PLA2G4A: variants seen among roughly 807,000 people sequenced by gnomAD.
The protein encoded by PLA2G4A is cytosolic phospholipase A2.
In PLA2G4A, 40 loss-of-function variants were observed where a neutral mutation model predicts 81.9. The observed-to-expected ratio is 0.49, with a 90% CI of 0.38 to 0.64. The LOEUF is 0.64. Ranked by LOEUF, PLA2G4A falls within the 30% of genes least tolerant of loss-of-function variation. PLA2G4A has a pLI of 0.00. For synonymous variants in PLA2G4A, 302 were observed against 296.9 expected, an observed-to-expected ratio of 1.02 and a Z score of -0.18; for missense variants, 715 against 905.1, an observed-to-expected ratio of 0.79 and a Z score of 2.69.
intron 15 of PLA2G4A, among the ~76,000 whole-genome samples, chr1:186,972,908 T>C (rs1312533915): frequency 6.6e-6 from 1 of 152,178 alleles, no homozygotes; most frequent in Non-Finnish European, 1.5e-5. Flanking sequence ...ATCACCTGAT[T>C]TATTTGTTGA....
intron 1 of PLA2G4A, among the ~76,000 whole-genome samples, chr1:186,853,434 A>G (rs575831668): frequency 2.1e-4 from 32 of 152,004 alleles, no homozygotes; most frequent in Non-Finnish European, 4.3e-4. Context: ...ATATTTTTTT[A>G]AAGTTGATGT....
chr1:186,857,304 T>TG (rs1652614133), intron 2 of PLA2G4A, among the ~76,000 whole-genome samples: 5 of 122,770 alleles, frequency 4.1e-5, no homozygotes, highest in Non-Finnish European at 8.0e-5. Flanking sequence ...ATATATTATA[T>TG]TTATATTATA....
chr1:186,881,367 C>G (rs1443983069), intron 3 of PLA2G4A, among the ~76,000 whole-genome samples: 1 of 152,014 alleles, frequency 6.6e-6, no homozygotes, highest in Non-Finnish European at 1.5e-5. Flanking sequence ...AGGCAATGCT[C>G]AAGTTGTTGT....
At chr1:186,932,986 A>G in intron 8 of PLA2G4A, 87 bp downstream of exon 8, 1 of 957,980 alleles carries the variant, frequency 1.0e-6, no homozygotes. Context: ...AAGGGGATTT[A>G]GAAAATTGAT....
chr1:186,839,414 T>C (rs1003706687), intron 1 of PLA2G4A, among the ~76,000 whole-genome samples: 3 of 152,200 alleles, frequency 2.0e-5, no homozygotes, highest in Non-Finnish European at 2.9e-5. Flanking sequence ...ATGGTTTAGC[T>C]GCAGTTGTCT....
At chr1:186,908,198 TA>T (rs1558424892) in intron 6 of PLA2G4A, among the ~76,000 whole-genome samples, 3 of 152,048 alleles carry the variant, frequency 2.0e-5, no homozygotes, top group African/African-American at 7.2e-5. Context: ...AAATAATGCA[TA>T]AAAGTAAATT....
chr1:186,896,190 T>C (rs984558063), intron 5 of PLA2G4A, among the ~76,000 whole-genome samples: 12 of 152,204 alleles, frequency 7.9e-5, no homozygotes, highest in Admixed American at 3.9e-4. Flanking sequence ...TATACACATA[T>C]AGATGTGCAC....
intron 9 of PLA2G4A, among the ~76,000 whole-genome samples, chr1:186,939,494 A>G (rs900864479): frequency 1.4e-3 from 14 of 9,668 alleles, no homozygotes; most frequent in Middle Eastern, 0.071. Context: ...TTTCTCTGGA[A>G]AAAAAAAAAA....
intron 7 of PLA2G4A, among the ~76,000 whole-genome samples, chr1:186,918,699 C>T (rs1655234732): frequency 6.6e-6 from 1 of 152,244 alleles, no homozygotes; most frequent in African/African-American, 2.4e-5. Flanking sequence ...CACAGTTATG[C>T]TCGCCCGGGC....
At chr1:186,952,264 A>T (rs1267195619) in intron 13 of PLA2G4A, among the ~76,000 whole-genome samples, 1 of 152,298 alleles carries the variant, frequency 6.6e-6, no homozygotes, top group East Asian at 1.9e-4. Context: ...GTACTAGCTG[A>T]GTCTTAAGGC....
At chr1:186,972,181 C>T (rs1388811626) in intron 15 of PLA2G4A, among the ~76,000 whole-genome samples, 1 of 152,064 alleles carries the variant, frequency 6.6e-6, no homozygotes, top group African/African-American at 2.4e-5. Flanking sequence ...GATTAGTTAG[C>T]ACACACCTAG....
At chr1:186,956,381 G>A in intron 14 of PLA2G4A, 37 bp downstream of exon 14, 3 of 1,573,998 alleles carry the variant, frequency 1.9e-6, no homozygotes, top group Non-Finnish European at 2.6e-6. Flanking sequence ...AGCTAATGCA[G>A]GAGATCTTTA....
chr1:186,894,003 G>C, intron 4 of PLA2G4A, 95 bp from the exon 5 acceptor site: 1 of 723,826 alleles, frequency 1.4e-6, no homozygotes, highest in Non-Finnish European at 2.6e-6. Context: ...TATCATTTGA[G>C]AGCTTCATTT....
rs1486542295 is a variant in PLA2G4A at position 186,946,857 on chromosome 1, GTT to G, written c.1172-9_1172-8del. On this transcript the variant is annotated splice_polypyrimidine_tract_variant and intron_variant, in intron 11 of 17. Coordinates refer to ENST00000367466, the MANE Select transcript of PLA2G4A (RefSeq NM_024420.3). Reference sequence around the variant, plus strand: ...ATATTTTAAGTTATTTTCTGTTTCTGTTTTATTTTAGGTGTCTGGGGCAGTGC... The same window carrying G: ...ATATTTTAAGTTATTTTCTGTTTCTGTTATTTTAGGTGTCTGGGGCAGTGC... 1.9e-6 allele frequency: 3 copies of G among 1,607,266 alleles called. No individual in the cohort carries two copies. The highest frequency in any genetic ancestry group is 2.6e-6 in the Non-Finnish European group (3 of 1,174,176).
chr1:186,850,064 A>G (rs1652319066), intron 1 of PLA2G4A, among the ~76,000 whole-genome samples: 1 of 152,124 alleles, frequency 6.6e-6, no homozygotes, highest in Non-Finnish European at 1.5e-5. Flanking sequence ...AATCTTTTGC[A>G]CTAGTATTCT....
chr1:186,863,160 C>T (rs1252264814), intron 2 of PLA2G4A, among the ~76,000 whole-genome samples: 2 of 152,186 alleles, frequency 1.3e-5, no homozygotes, highest in Non-Finnish European at 2.9e-5. Context: ...GCCTCGAACT[C>T]CTGGGCTCAA....
intron 7 of PLA2G4A, among the ~76,000 whole-genome samples, chr1:186,926,309 G>C (rs919887497): frequency 1.3e-5 from 2 of 152,104 alleles, no homozygotes; most frequent in Admixed American, 1.3e-4. Flanking sequence ...GGTAATCATG[G>C]TTTTTCTCTG....
intron 5 of PLA2G4A, among the ~76,000 whole-genome samples, chr1:186,896,393 C>T (rs1654334495): frequency 6.6e-6 from 1 of 152,116 alleles, no homozygotes; most frequent in African/African-American, 2.4e-5. Context: ...TGGGGCATAG[C>T]AAGATAAAGG....
chr1:186,861,029 T>G (rs531022595), intron 2 of PLA2G4A, among the ~76,000 whole-genome samples: 1 of 152,240 alleles, frequency 6.6e-6, no homozygotes, highest in African/African-American at 2.4e-5. Context: ...ACTCGTTATA[T>G]TCCCAGTTAT....
Sources: allele counts gnomAD v4.1 joint callset (sites outside exome capture counted in the v4.1 genomes callset), GRCh38; gene constraint gnomAD v4.1.1; transcripts MANE v1.5; gene names NCBI Gene and HGNC (gene_info 2026-07-23, HGNC 2026-07-21).